Variants in FOXN3 observed in about 807,000 individuals in gnomAD.
FOXN3 encodes forkhead box protein N3.
In FOXN3, 7 loss-of-function variants were observed where a neutral mutation model predicts 38.4. The observed-to-expected ratio is 0.18, with a 90% CI of 0.10 to 0.34. The LOEUF (loss-of-function observed/expected upper bound fraction) is 0.34, where lower values mean the gene tolerates loss of function less well. FOXN3 is among the 10% of genes least tolerant of loss of function. The pLI is 1.00. For missense variants in FOXN3, 456 were observed against 613.4 expected (o/e 0.74, Z 2.71); for synonymous variants, 230 against 242.2 (o/e 0.95, Z 0.47).
At chr14:89,394,217 T>TC (rs1369811046) in intron 2 of FOXN3, among the ~76,000 whole-genome samples, 18 of 147,146 alleles carry the variant, frequency 1.2e-4, no homozygotes, top group African/African-American at 4.6e-4. Flanking sequence ...ACGTTCTTTT[T>TC]TTTTTTTTTT....
At chr14:89,273,561 C>T (rs1273418977) in intron 4 of FOXN3, among the ~76,000 whole-genome samples, 4 of 152,166 alleles carry the variant, frequency 2.6e-5, no homozygotes, top group Non-Finnish European at 5.9e-5. Flanking sequence ...GGAGATTGGG[C>T]AAATTTGGAA....
intron 2 of FOXN3, among the ~76,000 whole-genome samples, chr14:89,380,353 A>G (rs1214706145): frequency 1.3e-5 from 2 of 152,200 alleles, no homozygotes; most frequent in Admixed American, 6.5e-5. Flanking sequence ...TCTTTCCTTT[A>G]TAAATTACCC....
intron 2 of FOXN3, among the ~76,000 whole-genome samples, chr14:89,376,345 C>G (rs1271455991): frequency 1.3e-5 from 2 of 152,070 alleles, no homozygotes; most frequent in Non-Finnish European, 2.9e-5. Flanking sequence ...AAATAAAAAC[C>G]CATGAGTCCA....
chr14:89,486,082 T>C (rs980908733), intron 1 of FOXN3, among the ~76,000 whole-genome samples: 2 of 152,222 alleles, frequency 1.3e-5, no homozygotes, highest in Non-Finnish European at 2.9e-5. Context: ...CAACTTTGCC[T>C]AAACTGTGGG....
intron 2 of FOXN3, among the ~76,000 whole-genome samples, chr14:89,368,992 T>C (rs1890234475): frequency 6.6e-6 from 1 of 152,156 alleles, no homozygotes. Flanking sequence ...CATCTGACAA[T>C]GCCGAAGTGC....
At chr14:89,181,059 C>G (rs1887662895) in intron 4 of FOXN3, among the ~76,000 whole-genome samples, 1 of 151,240 alleles carries the variant, frequency 6.6e-6, no homozygotes, top group South Asian at 2.1e-4. Context: ...CCTGCACATA[C>G]AGACATGCAC....
At position 89,280,991 on chromosome 14, in the gene FOXN3, G is replaced by A. The variant is rs745787496; in HGVS notation, c.704C>T (p.Pro235Leu). The change falls in exon 4 of 6, where the codon CCG becomes CTG. Residue 235 changes from proline to leucine, a missense_variant. Physicochemically the swap from Pro to Leu is moderately conservative, Grantham distance 98 (BLOSUM62 -3). This residue lies in a region of FOXN3 where 386 missense variants were observed against 505.2 expected (regional missense o/e 0.76). Transcript: ENST00000557258. ...ATTTCTCTTGAAGAAGGTACTGCCC[G>A]GCCAGATGGGTGGACCTGATGTGCT... ...YQSTSGPPIW[P>L]GSTFFKRNGA... The A allele has an allele frequency of 2.2e-5, 35 of 1,613,616 alleles. No homozygotes were observed. Among genetic ancestry groups the A allele is most frequent in the South Asian group, 8.8e-5 (8 of 90,940 alleles).
chr14:89,390,305 C>CTA (rs1236392622), intron 2 of FOXN3, among the ~76,000 whole-genome samples: 6 of 123,122 alleles, frequency 4.9e-5, no homozygotes, highest in Admixed American at 9.6e-5. Flanking sequence ...CTCTCTCTCT[C>CTA]TCTCTCTCTA....
At chr14:89,493,877 C>T (rs907722372) in intron 1 of FOXN3, 3 of 151,476 alleles carry the variant, frequency 2.0e-5, no homozygotes, top group African/African-American at 4.9e-5. Context: ...AAAAAAATAG[C>T]TTCATTAACA....
chr14:89,481,868 G>A (rs762212837), intron 1 of FOXN3, among the ~76,000 whole-genome samples: 11 of 151,470 alleles, frequency 7.3e-5, no homozygotes, highest in South Asian at 2.1e-4. Flanking sequence ...TATCATTTAC[G>A]GTCTAAACCA....
intron 1 of FOXN3, among the ~76,000 whole-genome samples, chr14:89,502,444 G>T (rs1404547481): frequency 6.6e-6 from 1 of 152,216 alleles, no homozygotes; most frequent in Non-Finnish European, 1.5e-5. Context: ...CTCTGTCCAT[G>T]TTAGAAATAG....
At chr14:89,247,728 T>C (rs191168802) in intron 4 of FOXN3, among the ~76,000 whole-genome samples, 5 of 152,216 alleles carry the variant, frequency 3.3e-5, no homozygotes, top group Admixed American at 3.3e-4. Context: ...CCCTGCAGAG[T>C]CATCTTTATA....
intron 4 of FOXN3, among the ~76,000 whole-genome samples, chr14:89,254,753 C>A (rs912247701): frequency 1.2e-4 from 19 of 152,068 alleles, no homozygotes; most frequent in Non-Finnish European, 2.9e-5. Context: ...TCTGAACACT[C>A]GTCTCCTCCA....
intron 3 of FOXN3, among the ~76,000 whole-genome samples, chr14:89,314,252 A>G (rs1364701262): frequency 6.6e-6 from 1 of 152,184 alleles, no homozygotes; most frequent in Non-Finnish European, 1.5e-5. Flanking sequence ...GTATATATTG[A>G]CTTAATAATT....
chr14:89,404,161 C>A (rs1891323156), intron 2 of FOXN3, among the ~76,000 whole-genome samples: 1 of 152,072 alleles, frequency 6.6e-6, no homozygotes, highest in African/African-American at 2.4e-5. Context: ...TGTGCCCCCA[C>A]CCAAGACACC....
chr14:89,301,102 C>T (rs911271807), intron 3 of FOXN3, among the ~76,000 whole-genome samples: 4 of 152,160 alleles, frequency 2.6e-5, no homozygotes, highest in African/African-American at 9.7e-5. Flanking sequence ...TGCACCCAGC[C>T]TCAGATGTTT....
intron 2 of FOXN3, among the ~76,000 whole-genome samples, chr14:89,369,353 A>G (rs1467805140): frequency 6.6e-6 from 1 of 152,228 alleles, no homozygotes; most frequent in Non-Finnish European, 1.5e-5. Flanking sequence ...CACTGGCAGT[A>G]GTAACTATTC....
At chr14:89,478,223 T>C (rs961408094) in intron 1 of FOXN3, among the ~76,000 whole-genome samples, 3 of 152,180 alleles carry the variant, frequency 2.0e-5, no homozygotes, top group African/African-American at 7.2e-5. Context: ...TGCCCCCACC[T>C]TGCTTTCTGC....
intron 4 of FOXN3, among the ~76,000 whole-genome samples, chr14:89,186,904 G>A (rs578019094): frequency 2.0e-5 from 3 of 152,184 alleles, no homozygotes; most frequent in Non-Finnish European, 4.4e-5. Context: ...GGGGCAACAC[G>A]GACCCTCCAA....
Sources: allele counts gnomAD v4.1 joint callset (sites outside exome capture counted in the v4.1 genomes callset), GRCh38; gene constraint gnomAD v4.1.1; regional missense constraint gnomAD v4.1.1; transcripts MANE v1.5; gene names NCBI Gene and HGNC (gene_info 2026-07-23, HGNC 2026-07-21).